Variants in MYO5A observed in about 807,000 individuals in gnomAD.
The protein encoded by MYO5A is unconventional myosin-Va.
Under a neutral mutation model 249.7 loss-of-function variants are expected in MYO5A, and 98 were observed. The ratio of observed to expected loss-of-function variants is 0.39; its 90% CI spans 0.33 to 0.46. The LOEUF (loss-of-function observed/expected upper bound fraction) is 0.46, where lower values mean the gene tolerates loss of function less well. Among genes scored for constraint, MYO5A ranks in the 20% least tolerant of loss-of-function variants. The pLI is 0.98. For synonymous variants in MYO5A, 778 were observed against 810.6 expected (o/e 0.96, Z 0.68); for missense variants, 1,696 against 2,308.8 (o/e 0.73, Z 5.44).
intron 1 of MYO5A, among the ~76,000 whole-genome samples, chr15:52,504,383 T>C (rs1390634958): frequency 6.6e-6 from 1 of 152,164 alleles, no homozygotes; most frequent in Non-Finnish European, 1.5e-5. Context: ...CTAGAAATTA[T>C]GACTAGGACT....
At chr15:52,482,152 AAG>A (rs1178913303) in intron 1 of MYO5A, among the ~76,000 whole-genome samples, 3 of 152,196 alleles carry the variant, frequency 2.0e-5, no homozygotes, top group Non-Finnish European at 2.9e-5. Context: ...AGAAAGATGA[AAG>A]AGGCATGCAC....
intron 5 of MYO5A, among the ~76,000 whole-genome samples, chr15:52,415,813 T>A (rs2043454944): frequency 6.6e-6 from 1 of 152,106 alleles, no homozygotes; most frequent in Admixed American, 6.5e-5. Flanking sequence ...GTACTTCTGG[T>A]ACAAGGAAAG....
At chr15:52,440,863 C>T (rs895702465) in intron 1 of MYO5A, among the ~76,000 whole-genome samples, 4 of 152,198 alleles carry the variant, frequency 2.6e-5, no homozygotes, top group South Asian at 2.1e-4. Flanking sequence ...AGCACATGTG[C>T]ACATCTTTAT....
intron 1 of MYO5A, chr15:52,435,520 A>T (rs1328142671): frequency 7.7e-6 from 3 of 387,216 alleles, no homozygotes; most frequent in African/African-American, 6.4e-5. Flanking sequence ...CTCATGATCC[A>T]CCCGCCTTGG....
chr15:52,360,192 G>T, intron 24 of MYO5A, 111 bp from the exon 25 acceptor site: 1 of 743,882 alleles, frequency 1.3e-6, no homozygotes. Flanking sequence ...ACTTGTATTG[G>T]TGCCCAAGTG....
chr15:52,397,407 C>A lies in MYO5A; in HGVS notation c.1113G>T (p.Met371Ile). ...CELMGVDYEE[M>I]CHWLCHRKLA... is the part of the protein sequence containing the mutation. ...GTTTCCGATGGCAGAGCCAGTGACA[C>A]ATCTCCTCATAGTCCACACCCATGA... Residue 371 changes from methionine (M) to isoleucine (I), a missense_variant, in exon 10 of 42, where the codon ATG (methionine) becomes ATT (isoleucine). This residue lies in a region of MYO5A where 185 missense variants were observed against 204.8 expected (regional missense o/e 0.90). Transcript: ENST00000399233. 1 of 1,614,062 alleles carries A rather than the reference C, an allele frequency of 6.2e-7. No individual in the cohort carries two copies. The highest frequency in any genetic ancestry group is 1.1e-5 in the South Asian group (1 of 91,076).
chr15:52,443,233 G>A (rs902971169), intron 1 of MYO5A, among the ~76,000 whole-genome samples: 8 of 152,112 alleles, frequency 5.3e-5, no homozygotes, highest in Non-Finnish European at 1.0e-4. Context: ...GTGTTCCAAT[G>A]AGCTCTGACA....
rs560626122 is a variant in MYO5A at position 52,526,650 on chromosome 15, C to T, written c.27+2130G>A. ...GGATTACAGGCGTGAGCTACCGTGC[C>T]CAGCCTAACTTTTTAATTTTTTTGT... On this transcript the variant is annotated intron_variant, in intron 1 of 41. Transcript: ENST00000399233. 1.6e-3 allele frequency among the ~76,000 whole-genome samples: 244 copies of T among 152,250 alleles called. 1 individual carries two copies. Among genetic ancestry groups the T allele is most frequent in the African/African-American group, 5.6e-3 (234 of 41,532 alleles).
rs145765339 is a variant in MYO5A at position 52,448,957 on chromosome 15, C to CTTTTTTTTTTTTTTTTTTTTTTTTT, written c.28-15697_28-15673dup. Among the ~76,000 whole-genome samples, 5 of 55,594 alleles carry CTTTTTTTTTTTTTTTTTTTTTTTTT rather than the reference C, an allele frequency of 9.0e-5. 1 individual carries two copies. The highest frequency in any genetic ancestry group is 1.7e-4 in the African/African-American group (2 of 11,796). The allele number at this position is 55,594 out of a possible 152,430, so 36.5% of individuals were successfully genotyped here. On this transcript the variant is annotated intron_variant, in intron 1 of 41. Coordinates refer to ENST00000399233, the MANE Select transcript of MYO5A (RefSeq NM_001382347.1). The stretch of plus-strand genomic sequence containing the variant: ...TTTTTTTTTTTCTTTTCTTGTCTTT[C>CTTTTTTTTTTTTTTTTTTTTTTTTT]TTTTTTTTTTTTTTTTTTTTTTTTT...
At chr15:52,401,793 T>C (rs574485024) in intron 9 of MYO5A, among the ~76,000 whole-genome samples, 2 of 152,328 alleles carry the variant, frequency 1.3e-5, no homozygotes, top group East Asian at 3.9e-4. Flanking sequence ...AGATTAAAAT[T>C]AGACATTATT....
chr15:52,430,799 TGA>T (rs1491103678), intron 2 of MYO5A, among the ~76,000 whole-genome samples: 3 of 152,146 alleles, frequency 2.0e-5, no homozygotes, highest in Non-Finnish European at 4.4e-5. Context: ...ATGTCTATAA[TGA>T]ATAAGTAATA....
chr15:52,474,033 G>A (rs2076536454), intron 1 of MYO5A, among the ~76,000 whole-genome samples: 2 of 152,186 alleles, frequency 1.3e-5, no homozygotes, highest in African/African-American at 4.8e-5. Context: ...AGCATGGAAT[G>A]TTCTTCCATG....
At chr15:52,412,146 C>G (rs763357737) in intron 5 of MYO5A, among the ~76,000 whole-genome samples, 23 of 150,966 alleles carry the variant, frequency 1.5e-4, no homozygotes, top group Non-Finnish European at 2.5e-4. Context: ...AGCAGCTACT[C>G]AATAAACACT....
At chr15:52,377,814 G>A (rs1375551564) in intron 18 of MYO5A, among the ~76,000 whole-genome samples, 6 of 151,468 alleles carry the variant, frequency 4.0e-5, no homozygotes, top group Admixed American at 2.0e-4. Context: ...CAAGCAGTCC[G>A]CCCGCCACGG....
chr15:52,474,164 A>T (rs1185772337), intron 1 of MYO5A, among the ~76,000 whole-genome samples: 1 of 152,100 alleles, frequency 6.6e-6, no homozygotes, highest in Non-Finnish European at 1.5e-5. Context: ...TGTGAATGGG[A>T]GTTCACTCAT....
intron 34 of MYO5A, among the ~76,000 whole-genome samples, chr15:52,331,200 T>A (rs1306612511): frequency 6.6e-6 from 1 of 151,946 alleles, no homozygotes; most frequent in Admixed American, 6.5e-5. Context: ...TATTTTTTAT[T>A]TCTTTTTAAT....
intron 1 of MYO5A, among the ~76,000 whole-genome samples, chr15:52,461,095 G>T (rs1693505): frequency 0.76 from 116,246 of 152,014 alleles, 45,327 homozygotes; most frequent in South Asian, 0.84. Context: ...TGTGACTACA[G>T]GCACGTGCCA....
At chr15:52,395,231 A>G (rs2042436133) in intron 11 of MYO5A, among the ~76,000 whole-genome samples, 1 of 152,164 alleles carries the variant, frequency 6.6e-6, no homozygotes, top group Non-Finnish European at 1.5e-5. Flanking sequence ...ACACCTAGTG[A>G]TTTCGTTATG....
At chr15:52,528,703 G>GC in intron 1 of MYO5A, 77 bp downstream of exon 1, 2 of 1,443,922 alleles carry the variant, frequency 1.4e-6, no homozygotes, top group Non-Finnish European at 1.8e-6. Context: ...CGGCGCTCCC[G>GC]CCCCCTCCCC....
Sources: gnomAD v4.1 joint callset for allele counts (sites outside exome capture counted in the v4.1 genomes callset) on GRCh38, gnomAD v4.1.1 for gene constraint, gnomAD v4.1.1 regional missense constraint, MANE v1.5 for transcripts, NCBI Gene and HGNC (gene_info 2026-07-23, HGNC 2026-07-21) for gene names.